The following SFXN2 variants were observed in gnomAD, a reference collection of about 807,000 sequenced individuals.
SFXN2 encodes sideroflexin-2.
SFXN2 carries 37 observed loss-of-function variants against 41.9 expected under a neutral mutation model. The ratio of observed to expected loss-of-function variants is 0.88; its 90% CI spans 0.68 to 1.16. The LOEUF is 1.16. SFXN2 is among the 50% of genes most tolerant of loss of function. The pLI is 0.00. For synonymous variants in SFXN2, 150 were observed against 156.7 expected (o/e 0.96, Z 0.32); for missense variants, 386 against 425.2 (o/e 0.91, Z 0.81).
chr10:102,718,475 G>A (rs1184656090), intron 1 of SFXN2, among the ~76,000 whole-genome samples: 1 of 152,248 alleles, frequency 6.6e-6, no homozygotes, highest in Admixed American at 6.5e-5. Context: ...CTTCAGCTGG[G>A]ACTGAGATAA....
intron 1 of SFXN2, among the ~76,000 whole-genome samples, chr10:102,718,448 CCCT>C (rs2064450607): frequency 6.6e-6 from 1 of 152,228 alleles, no homozygotes; most frequent in South Asian, 2.1e-4. Flanking sequence ...GAACTCTTTC[CCCT>C]CCTCCCACTC....
At chr10:102,732,807 C>A in intron 8 of SFXN2, 52 bp from the exon 9 acceptor site, 3 of 1,590,126 alleles carry the variant, frequency 1.9e-6, no homozygotes, top group Non-Finnish European at 1.7e-6. Context: ...CAGAAGGAGT[C>A]CTGGGGAGAG....
Position 102,726,731 on chromosome 10 carries a change from AC to A in SFXN2, c.100del (p.Arg34AlafsTer15). 1 of 1,613,858 alleles carries A rather than the reference AC, an allele frequency of 6.2e-7. No homozygotes were observed. ...GRVKHFLNIT[D>X]PRTVFVSERE... ...GTGAAGCACTTCCTAAACATCACGGACCCCCGCACTGTCTTTGTATCTGAGC... is the reference window on the plus strand; with the variant it reads ...GTGAAGCACTTCCTAAACATCACGGACCCCGCACTGTCTTTGTATCTGAGC... On this transcript the variant is annotated frameshift_variant, in exon 2 of 12. Transcript: ENST00000369893. LOFTEE classifies it high-confidence loss of function.
At chr10:102,730,571 C>A (rs1486425134) in intron 6 of SFXN2, among the ~76,000 whole-genome samples, 1 of 152,238 alleles carries the variant, frequency 6.6e-6, no homozygotes, top group East Asian at 1.9e-4. Context: ...CCTTCCCCAT[C>A]CAGTGGCCCT....
rs368748485 is a variant in SFXN2, at chr10:102,729,733, C to T, written c.518C>T (p.Pro173Leu). The change falls in exon 6 of 12, where the codon CCC becomes CTC. Residue 173 changes from proline to leucine, a missense_variant. By Grantham distance (98) the Pro-to-Leu change is moderately conservative. Coordinates refer to ENST00000369893, the MANE Select transcript of SFXN2 (RefSeq NM_178858.6). ...GMNMLTKKAPPLVGRWVPFAA... is the reference protein window; with the variant it reads ...GMNMLTKKAPLLVGRWVPFAA... ...CTCTTCCCCCAACAGAAAGCGCCGC[C>T]CTTGGTGGGCCGCTGGGTGCCCTTT... 4.6e-5 allele frequency: 74 copies of T among 1,613,886 alleles called. 1 individual carries two copies. The East Asian group carries it at 6.0e-4, about 13-fold the overall frequency.
intron 9 of SFXN2, 76 bp from the exon 10 acceptor site, chr10:102,733,477 AT>A: frequency 8.1e-7 from 1 of 1,241,716 alleles, no homozygotes; most frequent in Admixed American, 1.8e-5. Flanking sequence ...TGGCTGATCC[AT>A]GGCAGAGCAG....
intron 1 of SFXN2, among the ~76,000 whole-genome samples, chr10:102,723,200 C>T (rs1453546393): frequency 6.6e-6 from 1 of 151,594 alleles, no homozygotes; most frequent in Non-Finnish European, 1.5e-5. Flanking sequence ...CCGGCCTTGG[C>T]CTCCAAAGTG....
rs1160602185 is a variant in SFXN2 at position 102,741,210 on chromosome 10, G to A, written c.*3448G>A. On this transcript the variant is annotated 3_prime_UTR_variant, in exon 12 of 12. Coordinates refer to ENST00000369893, the MANE Select transcript of SFXN2 (RefSeq NM_178858.6). The stretch of plus-strand genomic sequence containing the variant: ...TGAGCTTTCAGGTAAAAGGAGAAAG[G>A]GAAGTTGGGGCAAAATCCCCTGTGT... 6.6e-6 allele frequency: 1 copy of A among 152,176 alleles called. No homozygotes were observed. The highest frequency in any genetic ancestry group is 2.4e-5 in the African/African-American group (1 of 41,448). 9.4% of individuals were successfully genotyped at this position (152,176 alleles called of 1,614,324 possible).
intron 3 of SFXN2, 114 bp downstream of exon 3, chr10:102,727,271 G>T (rs1489174431): frequency 2.6e-6 from 3 of 1,145,426 alleles, no homozygotes; most frequent in Non-Finnish European, 3.7e-6. Context: ...CAGATACCAG[G>T]CACTATGCTA....
Position 102,729,351 on chromosome 10 carries a change from C to A in SFXN2, c.464C>A (p.Thr155Asn). Residue 155 changes from threonine to asparagine, a missense_variant, in exon 5 of 12, where the codon ACC (threonine) becomes AAC (asparagine). By Grantham distance (65) the Thr-to-Asn change is moderately conservative. Transcript: ENST00000369893. ...QMALSYFTAT[T>N]TAVATAVGMN... ...GCCCTTTCCTACTTCACAGCCACAA[C>A]CACTGCTGTGGCCACGGCTGTGGGC... 6.2e-7 allele frequency: 1 copy of A among 1,614,226 alleles called. No individual in the cohort carries two copies. The highest frequency in any genetic ancestry group is 8.5e-7 in the Non-Finnish European group (1 of 1,180,034).
intron 3 of SFXN2, among the ~76,000 whole-genome samples, chr10:102,728,116 T>G (rs1291808222): frequency 6.6e-6 from 1 of 152,040 alleles, no homozygotes; most frequent in Non-Finnish European, 1.5e-5. Flanking sequence ...CTGACCAATA[T>G]GGTGAAACCC....
At chr10:102,726,572 T>G in intron 1 of SFXN2, 40 bp from the exon 2 acceptor site, 3 of 1,590,386 alleles carry the variant, frequency 1.9e-6, no homozygotes, top group Non-Finnish European at 1.7e-6. Context: ...GTGGTGGGCT[T>G]TGATTTAGGG....
intron 1 of SFXN2, among the ~76,000 whole-genome samples, chr10:102,719,854 A>G (rs1251065146): frequency 6.6e-6 from 1 of 152,274 alleles, no homozygotes; most frequent in Non-Finnish European, 1.5e-5. Context: ...ACCTAGTAGT[A>G]GAAGCTATAG....
chr10:102,730,701 A>G (rs1264300533), intron 6 of SFXN2, among the ~76,000 whole-genome samples: 4 of 152,246 alleles, frequency 2.6e-5, no homozygotes, highest in African/African-American at 9.6e-5. Flanking sequence ...CTGTAATCCC[A>G]GCACTTTGGG....
chr10:102,715,784 A>G (rs1564736674), intron 1 of SFXN2, among the ~76,000 whole-genome samples: 1 of 151,774 alleles, frequency 6.6e-6, no homozygotes, highest in Non-Finnish European at 1.5e-5. Flanking sequence ...GCCTCTACAA[A>G]AAAAAATTTT....
intron 8 of SFXN2, among the ~76,000 whole-genome samples, chr10:102,732,513 G>A (rs2064719154): frequency 6.6e-6 from 1 of 152,210 alleles, no homozygotes; most frequent in Non-Finnish European, 1.5e-5. Flanking sequence ...TAAATTCCCT[G>A]CTTTGGTTTG....
At chr10:102,731,885 C>T in intron 7 of SFXN2, 102 bp downstream of exon 7, 2 of 1,061,840 alleles carry the variant, frequency 1.9e-6, no homozygotes, top group Non-Finnish European at 2.8e-6. Context: ...ATTGAGAAGC[C>T]TTTTCTGGCT....
At chr10:102,736,655 T>G (rs1019399415) in intron 11 of SFXN2, among the ~76,000 whole-genome samples, 134 of 151,718 alleles carry the variant, frequency 8.8e-4, no homozygotes, top group African/African-American at 3.1e-3. Flanking sequence ...CACCTTGTGA[T>G]CCGCCCGCCT....
intron 10 of SFXN2, 126 bp from the exon 11 acceptor site, chr10:102,735,736 G>A (rs147411896): frequency 1.7e-4 from 155 of 903,378 alleles, no homozygotes; most frequent in Non-Finnish European, 2.6e-4. Context: ...GTTGGAGGGA[G>A]AGGATATGGT....
Sources: allele counts gnomAD v4.1 joint callset (sites outside exome capture counted in the v4.1 genomes callset), GRCh38; gene constraint gnomAD v4.1.1; transcripts MANE v1.5; gene names NCBI Gene and HGNC (gene_info 2026-07-23, HGNC 2026-07-21).